The following SYNE2 variants were observed in gnomAD, a reference collection of about 807,000 sequenced individuals.
The protein encoded by SYNE2 is nesprin-2.
A neutral mutation model predicts 856.3 loss-of-function variants in SYNE2; 431 were observed. That is an observed-to-expected ratio of 0.50 (90% CI 0.47 to 0.55). SYNE2 has a LOEUF of 0.55. Among genes scored for constraint, SYNE2 ranks in the 20% least tolerant of loss-of-function variants. SYNE2 has a pLI of 0.00. For synonymous variants in SYNE2, 2,923 were observed against 2,872.3 expected, an observed-to-expected ratio of 1.02 and a Z score of -0.56; for missense variants, 8,129 against 8,023.2, an observed-to-expected ratio of 1.01 and a Z score of -0.50.
chr14:64,210,130 C>A lies in SYNE2; in HGVS notation c.18723+6C>A, dbSNP rs757914811. ...CCGTCCTGCGGAGACTCAGGGTGAG[C>A]TCCTCTGCACCTGGCTCGGGTGTAG... is the stretch of plus-strand genomic sequence containing the variant. On this transcript the variant is annotated splice_donor_region_variant and intron_variant, in intron 103 of 115. Coordinates refer to ENST00000555002, the MANE Select transcript of SYNE2 (RefSeq NM_182914.3). 3 of 1,612,550 alleles carry A rather than the reference C, an allele frequency of 1.9e-6. No individual in the cohort carries two copies. The highest frequency in any genetic ancestry group is 2.5e-6 in the Non-Finnish European group (3 of 1,179,092).
chr14:63,801,467 T>G (rs1458223254), intron 1 of SYNE2, among the ~76,000 whole-genome samples: 2 of 151,462 alleles, frequency 1.3e-5, no homozygotes, highest in African/African-American at 4.9e-5. Context: ...AGGTCGGGAG[T>G]TCGAGACCTC....
Position 64,126,380 on chromosome 14 carries a change from A to C in SYNE2, c.13608A>C (p.Leu4536=). Residue 4536 remains leucine, a synonymous_variant, in exon 72 of 116, where the codon CTA becomes CTC. Coordinates refer to ENST00000555002, the MANE Select transcript of SYNE2 (RefSeq NM_182914.3). ...YINLDKKLFE[L]FLTLSQCLSS... is the part of the protein sequence containing the mutation. ...ATTTGGATAAAAAATTGTTTGAACT[A>C]TTCCTGACCCTCAGTCAGTGCCTCA... is the stretch of plus-strand genomic sequence containing the variant. 1 of 1,614,188 alleles carries C rather than the reference A, an allele frequency of 6.2e-7. No individual in the cohort carries two copies.
intron 82 of SYNE2, 52 bp downstream of exon 82, chr14:64,142,140 C>T: frequency 6.2e-7 from 1 of 1,603,492 alleles, no homozygotes; most frequent in Non-Finnish European, 8.5e-7. Flanking sequence ...GAAGGCTAAT[C>T]AGAGGGGTAA....
intron 64 of SYNE2, among the ~76,000 whole-genome samples, chr14:64,104,342 C>T (rs1243028018): frequency 1.3e-5 from 2 of 152,026 alleles, no homozygotes; most frequent in African/African-American, 2.4e-5. Context: ...GTCCCTTCTA[C>T]CTCTAGTCCC....
intron 105 of SYNE2, among the ~76,000 whole-genome samples, chr14:64,213,950 C>CT (rs1050227895): frequency 8.0e-4 from 121 of 152,078 alleles, no homozygotes; most frequent in African/African-American, 2.7e-3. Context: ...CAAACTTCAG[C>CT]TTTTTTTTCC....
chr14:64,197,793 A>C (rs1410114239), intron 99 of SYNE2, among the ~76,000 whole-genome samples: 1 of 151,916 alleles, frequency 6.6e-6, no homozygotes, highest in African/African-American at 2.4e-5. Flanking sequence ...AATGTTGCTA[A>C]CCTGACTTGA....
At chr14:64,109,073 C>A (rs898593780) in intron 65 of SYNE2, among the ~76,000 whole-genome samples, 3 of 151,902 alleles carry the variant, frequency 2.0e-5, no homozygotes, top group African/African-American at 7.3e-5. Flanking sequence ...CACAGTTCTG[C>A]CATGTTGCCC....
rs2096721063 is a variant in SYNE2, at chr14:63,997,299, A to G, written c.3153-2A>G. On this transcript the variant is annotated splice_acceptor_variant, in intron 24 of 115. Transcript: ENST00000555002. LOFTEE classifies it high-confidence loss of function. The stretch of plus-strand genomic sequence containing the variant: ...AAACATGCAATTTTGATTCCTTTCT[A>G]GGGGGACCATCACCACATCTGAGAA... 1 of 1,612,434 alleles carries G rather than the reference A, an allele frequency of 6.2e-7. No individual in the cohort carries two copies. The highest frequency in any genetic ancestry group is 1.7e-5 in the Admixed American group (1 of 59,750).
At chr14:64,029,837 G>A in intron 43 of SYNE2, 58 bp from the exon 44 acceptor site, 1 of 1,541,590 alleles carries the variant, frequency 6.5e-7, no homozygotes, top group South Asian at 1.2e-5. Flanking sequence ...TAATTATTTT[G>A]TGAGTGAAAA....
chr14:64,000,371 G>A (rs1473519572), intron 27 of SYNE2, among the ~76,000 whole-genome samples, 191 bp from the exon 28 acceptor site: 2 of 152,212 alleles, frequency 1.3e-5, no homozygotes, highest in Admixed American at 6.5e-5. Context: ...GGTCCTCTGA[G>A]AGCACAGTTA....
intron 87 of SYNE2, 106 bp downstream of exon 87, chr14:64,159,548 C>A: frequency 7.5e-7 from 1 of 1,332,932 alleles, no homozygotes; most frequent in East Asian, 2.5e-5. Context: ...TCTGAGATGA[C>A]TGGTTTCCTA....
At chr14:63,914,180 G>T (rs929320512) in intron 2 of SYNE2, among the ~76,000 whole-genome samples, 2 of 152,182 alleles carry the variant, frequency 1.3e-5, no homozygotes. Flanking sequence ...AGCCCTTCGG[G>T]TGGGAAAGGT....
chr14:64,221,751 C>T (rs778921277), intron 112 of SYNE2, 47 bp downstream of exon 112: 3 of 1,603,798 alleles, frequency 1.9e-6, no homozygotes, highest in Non-Finnish European at 2.6e-6. Flanking sequence ...CCTCTGTCAG[C>T]CCCAGAGAGG....
At chr14:63,907,986 A>T (rs2095428601) in intron 1 of SYNE2, among the ~76,000 whole-genome samples, 1 of 152,178 alleles carries the variant, frequency 6.6e-6, no homozygotes. Flanking sequence ...AATAAAAGGG[A>T]TATGGATGAT....
chr14:63,881,621 TTA>T (rs1230530334), intron 1 of SYNE2, among the ~76,000 whole-genome samples: 3 of 148,752 alleles, frequency 2.0e-5, no homozygotes, highest in East Asian at 1.9e-4. Context: ...ATAATTATAA[TTA>T]TATATATATT....
Position 64,214,330 on chromosome 14 carries a change from C to T in SYNE2, c.19193C>T (p.Ala6398Val), listed in dbSNP as rs1177760203. ...SSPQSLCHLV[A>V]PGHERSGCET... The stretch of plus-strand genomic sequence containing the variant: ...CCTCAGTCCCTGTGTCATCTAGTGG[C>T]CCCAGGGCACGAGCGGTCTGGCTGC... Residue 6398 changes from alanine to valine, a missense_variant, in exon 106 of 116, where the codon GCC (alanine) becomes GTC (valine). Physicochemically the swap from Ala to Val is moderately conservative, Grantham distance 64. This residue lies in a region of SYNE2 where 5,410 missense variants were observed against 5,284.8 expected (regional missense o/e 1.02). Coordinates refer to ENST00000555002, the MANE Select transcript of SYNE2 (RefSeq NM_182914.3). 1 of 1,614,102 alleles carries T rather than the reference C, an allele frequency of 6.2e-7. No homozygotes were observed. The highest frequency in any genetic ancestry group is 8.5e-7 in the Non-Finnish European group (1 of 1,180,008).
chr14:63,892,003 A>C (rs1173328247), intron 1 of SYNE2, among the ~76,000 whole-genome samples: 1 of 152,220 alleles, frequency 6.6e-6, no homozygotes, highest in African/African-American at 2.4e-5. Context: ...AGTTTGTTTC[A>C]GAAACAAACT....
intron 8 of SYNE2, among the ~76,000 whole-genome samples, chr14:63,961,194 A>G (rs2096308847): frequency 6.6e-6 from 1 of 152,238 alleles, no homozygotes; most frequent in Admixed American, 6.5e-5. Flanking sequence ...GTCTAGAAAG[A>G]GGAATGCTTT....
chr14:64,219,096 G>GTTTTTTTTTTTTTTTTTTTTTT (rs1214967482), intron 109 of SYNE2, 112 bp from the exon 110 acceptor site: 1 of 751,160 alleles, frequency 1.3e-6, no homozygotes, highest in Non-Finnish European at 1.9e-6. Context: ...ATCCCCTACA[G>GTTTTTTTTTTTTTTTTTTTTTT]TTTTTTTGTT....
Sources: gnomAD v4.1 joint callset for allele counts (sites outside exome capture counted in the v4.1 genomes callset) on GRCh38, gnomAD v4.1.1 for gene constraint, gnomAD v4.1.1 regional missense constraint, MANE v1.5 for transcripts, NCBI Gene and HGNC (gene_info 2026-07-23, HGNC 2026-07-21) for gene names.